The following HSD17B12 variants were observed in gnomAD, a reference collection of about 807,000 sequenced individuals.
HSD17B12 encodes hydroxysteroid 17-beta dehydrogenase 12.
In HSD17B12, 32 loss-of-function variants were observed where a neutral mutation model predicts 39.3. That is an observed-to-expected ratio of 0.81 (90% CI 0.61 to 1.09). The LOEUF (loss-of-function observed/expected upper bound fraction) is 1.09. Among genes scored for constraint, HSD17B12 ranks in the 50% least tolerant of loss-of-function variants. The probability of loss-of-function intolerance (pLI) is 0.00; values close to 1 mark genes in which losing one functional copy is unlikely to be tolerated. For synonymous variants in HSD17B12, 150 were observed against 146.7 expected (o/e 1.02, Z -0.16); for missense variants, 342 against 382.9 (o/e 0.89, Z 0.89).
At chr11:43,849,623 A>G (rs1951512661) in intron 9 of HSD17B12, among the ~76,000 whole-genome samples, 1 of 152,192 alleles carries the variant, frequency 6.6e-6, no homozygotes, top group Non-Finnish European at 1.5e-5. Flanking sequence ...CACCACATCA[A>G]AGGGGCCTTT....
chr11:43,854,574 A>G, intron 9 of HSD17B12, 141 bp from the exon 10 acceptor site: 1 of 879,968 alleles, frequency 1.1e-6, no homozygotes, highest in Non-Finnish European at 1.7e-6. Context: ...TTGGCTTTAG[A>G]TAGCCACTTC....
At chr11:43,793,136 A>G (rs1950883736) in intron 3 of HSD17B12, among the ~76,000 whole-genome samples, 1 of 152,204 alleles carries the variant, frequency 6.6e-6, no homozygotes, top group South Asian at 2.1e-4. Context: ...CTAGGAGCAC[A>G]GCAGAGAGTG....
intron 4 of HSD17B12, among the ~76,000 whole-genome samples, chr11:43,813,742 C>T (rs1440462871): frequency 1.3e-5 from 2 of 152,074 alleles, no homozygotes; most frequent in Non-Finnish European, 2.9e-5. Context: ...GGTGGAGAAC[C>T]TATTGAATAA....
chr11:43,626,971 G>T, the HSD17B12 span, among the ~76,000 whole-genome samples: 1 of 152,014 alleles, frequency 6.6e-6, no homozygotes, highest in South Asian at 2.1e-4. Context: ...TTAAGGAGGG[G>T]CAGCTTAGTT....
chr11:43,738,541 C>T (rs916808418), intron 1 of HSD17B12, among the ~76,000 whole-genome samples: 6 of 152,122 alleles, frequency 3.9e-5, no homozygotes, highest in South Asian at 2.1e-4. Context: ...TGATTCTTGA[C>T]GTTGAGAGGA....
At chr11:43,678,345 A>G (rs1028287864), upstream of HSD17B12, among the ~76,000 whole-genome samples, 2 of 152,148 alleles carry the variant, frequency 1.3e-5, no homozygotes, top group African/African-American at 4.8e-5. Context: ...CCTTTGTAAG[A>G]TGAGTAGATT....
At chr11:43,604,721 A>G in the HSD17B12 span, among the ~76,000 whole-genome samples, 1 of 152,212 alleles carries the variant, frequency 6.6e-6, no homozygotes, top group Non-Finnish European at 1.5e-5. Context: ...CACCACAATA[A>G]GAACTTGAAC....
At chr11:43,559,717 C>T in the HSD17B12 span, 1 of 155,950 alleles carries the variant, frequency 6.4e-6, no homozygotes, top group African/African-American at 2.4e-5. Context: ...CCTTGGGTTT[C>T]CTCATATTCA....
At chr11:43,786,424 A>G (rs542394669) in intron 3 of HSD17B12, among the ~76,000 whole-genome samples, 60 of 152,324 alleles carry the variant, frequency 3.9e-4, no homozygotes, top group Middle Eastern at 6.8e-3. Flanking sequence ...ATGACTTCCA[A>G]TACAGCCGGG....
intron 3 of HSD17B12, among the ~76,000 whole-genome samples, chr11:43,796,341 A>G (rs1471471334): frequency 6.6e-6 from 1 of 152,040 alleles, no homozygotes; most frequent in East Asian, 1.9e-4. Flanking sequence ...TTGAGACCCC[A>G]TCTCTTAAAA....
chr11:43,612,694 G>A, the HSD17B12 span, among the ~76,000 whole-genome samples: 1 of 152,190 alleles, frequency 6.6e-6, no homozygotes, highest in African/African-American at 2.4e-5. Flanking sequence ...GCGTGAGCCT[G>A]TAAAGGATGA....
At chr11:43,572,887 C>A in the HSD17B12 span, among the ~76,000 whole-genome samples, 6 of 152,308 alleles carry the variant, frequency 3.9e-5, no homozygotes, top group African/African-American at 1.4e-4. Context: ...TGAGGGACTT[C>A]CCTTGGTTGA....
rs1462888038 is a variant in HSD17B12, at chr11:43,855,145, G to T, written c.836G>T (p.Gly279Val). 5.0e-6 allele frequency: 8 copies of T among 1,590,312 alleles called. No individual in the cohort carries two copies. Among genetic ancestry groups the T allele is most frequent in the Non-Finnish European group, 6.0e-6 (7 of 1,161,798 alleles). Residue 279 changes from glycine (G) to valine (V), a missense_variant and splice_region_variant, in exon 11 of 11, where the codon GGC (glycine) becomes GTC (valine). Gly to Val is a moderately radical substitution (Grantham distance 109, BLOSUM62 -3). Coordinates refer to ENST00000278353, the MANE Select transcript of HSD17B12 (RefSeq NM_016142.3). Reference protein sequence around the residue: ...TNGYLIHALMGSIISNLPSWI... With the variant: ...TNGYLIHALMVSIISNLPSWI... ...ATCTCTCTCATTCTGTTTCCCTAGG[G>T]CTCGATAATCTCAAACCTGCCTTCT... is the stretch of plus-strand genomic sequence containing the variant.
chr11:43,595,559 G>A, the HSD17B12 span, among the ~76,000 whole-genome samples: 282 of 152,256 alleles, frequency 1.9e-3, 1 homozygote, highest in African/African-American at 6.4e-3. Context: ...ACTTGTTAAT[G>A]TTACTCATTA....
chr11:43,850,403 C>T (rs116824748), intron 9 of HSD17B12, among the ~76,000 whole-genome samples: 10 of 152,242 alleles, frequency 6.6e-5, no homozygotes, highest in African/African-American at 1.9e-4. Context: ...GCTGGCTACA[C>T]GGTTGAATTT....
rs576068641 is a variant in HSD17B12, at chr11:43,813,508, T to C, written c.392-1929T>C. ...CTTGGCAAAGCCTTTCCTGGAAGAT[T>C]CTGTTATCTTAAACTGATATAAAGA... On this transcript the variant is annotated intron_variant, in intron 4 of 10. Transcript: ENST00000278353. Among the ~76,000 whole-genome samples, 14 of 151,518 alleles carry C rather than the reference T, an allele frequency of 9.2e-5. No homozygotes were observed. The South Asian group carries it at 2.7e-3, about 30-fold the overall frequency.
intron 1 of HSD17B12, among the ~76,000 whole-genome samples, chr11:43,693,498 C>A (rs1371307368): frequency 6.6e-6 from 1 of 152,118 alleles, no homozygotes; most frequent in Non-Finnish European, 1.5e-5. Flanking sequence ...GATGTTAAGA[C>A]CAGGAGGCAC....
the HSD17B12 span, among the ~76,000 whole-genome samples, chr11:43,618,735 GC>G: frequency 6.6e-6 from 1 of 152,110 alleles, no homozygotes; most frequent in African/African-American, 2.4e-5. Flanking sequence ...ATCATAAGAT[GC>G]TGAGCTTGAA....
chr11:43,664,760 C>T, the HSD17B12 span, among the ~76,000 whole-genome samples: 1 of 152,196 alleles, frequency 6.6e-6, no homozygotes, highest in African/African-American at 2.4e-5. Context: ...GTCTCATACA[C>T]AAATTATTTC....
Sources: allele counts gnomAD v4.1 joint callset (sites outside exome capture counted in the v4.1 genomes callset), GRCh38; gene constraint gnomAD v4.1.1; transcripts MANE v1.5; gene names NCBI Gene and HGNC (gene_info 2026-07-23, HGNC 2026-07-21).